GLRA2: variants seen among roughly 807,000 people sequenced by gnomAD.
GLRA2 encodes glycine receptor subunit alpha-2.
GLRA2 carries 11 observed loss-of-function variants against 31.6 expected under a neutral mutation model. The observed-to-expected ratio is 0.35, with a 90% CI of 0.22 to 0.58. The LOEUF is 0.58. Ranked by LOEUF, GLRA2 falls within the 20% of genes least tolerant of loss-of-function variation. The probability of loss-of-function intolerance (pLI) is 0.84; values close to 1 mark genes in which losing one functional copy is unlikely to be tolerated. For missense variants in GLRA2, 212 were observed against 351.8 expected (o/e 0.60, Z 3.18); for synonymous variants, 132 against 134.0 (o/e 0.99, Z 0.10).
the GLRA2 span, among the ~76,000 whole-genome samples, chrX:14,505,856 C>T: frequency 9.0e-6 from 1 of 111,579 alleles, no homozygotes; most frequent in Non-Finnish European, 1.9e-5. Context: ...TGCCCCCAGA[C>T]AGCCCCTGAG....
chrX:14,694,295 A>G (rs2091408192), intron 8 of GLRA2, among the ~76,000 whole-genome samples: 1 of 111,624 alleles, frequency 9.0e-6, no homozygotes, highest in Non-Finnish European at 1.9e-5. Flanking sequence ...ACTCCCTGTC[A>G]TCATTAGACT....
At chrX:14,587,176 C>T (rs1411165999) in intron 4 of GLRA2, among the ~76,000 whole-genome samples, 2 of 112,191 alleles carry the variant, frequency 1.8e-5, no homozygotes, top group Non-Finnish European at 3.8e-5. Flanking sequence ...ATATATGTAT[C>T]ACATTTTCTT....
intron 2 of GLRA2, among the ~76,000 whole-genome samples, chrX:14,560,160 A>G (rs1406144885): frequency 1.8e-5 from 2 of 112,519 alleles, no homozygotes; most frequent in Non-Finnish European, 3.8e-5. Context: ...TTTTTATTCT[A>G]AAGGAAATTT....
the GLRA2 span, among the ~76,000 whole-genome samples, chrX:14,516,016 T>C: frequency 1.8e-5 from 2 of 112,146 alleles, no homozygotes; most frequent in African/African-American, 6.5e-5. Flanking sequence ...CTACTAATTA[T>C]AGTCACAAAC....
At chrX:14,675,655 C>T (rs1308045453) in intron 7 of GLRA2, among the ~76,000 whole-genome samples, 1 of 111,616 alleles carries the variant, frequency 9.0e-6, no homozygotes, top group Non-Finnish European at 1.9e-5. Context: ...GTAGTCAGTG[C>T]TGTCATCATC....
the GLRA2 span, among the ~76,000 whole-genome samples, chrX:14,461,728 G>T: frequency 9.0e-6 from 1 of 111,321 alleles, no homozygotes; most frequent in Non-Finnish European, 1.9e-5. Context: ...CTTTTATTTT[G>T]AGCGTATATG....
At chrX:14,563,607 T>G (rs914931338) in intron 2 of GLRA2, among the ~76,000 whole-genome samples, 34 of 111,511 alleles carry the variant, frequency 3.0e-4, no homozygotes, top group African/African-American at 1.1e-3. Flanking sequence ...CAAAATAAAT[T>G]GATAGAAATT....
the GLRA2 span, among the ~76,000 whole-genome samples, chrX:14,455,283 C>T: frequency 8.9e-6 from 1 of 111,854 alleles, no homozygotes; most frequent in Non-Finnish European, 1.9e-5. Flanking sequence ...TTATTTGACA[C>T]TTAGAAGATA....
At chrX:14,698,407 G>T (rs769358355) in intron 8 of GLRA2, among the ~76,000 whole-genome samples, 2 of 109,228 alleles carry the variant, frequency 1.8e-5, no homozygotes, top group Non-Finnish European at 3.8e-5. Context: ...GGCCGGGAGC[G>T]GTGGCTCACA....
At chrX:14,479,981 G>A in the GLRA2 span, among the ~76,000 whole-genome samples, 5 of 111,731 alleles carry the variant, frequency 4.5e-5, no homozygotes, top group Middle Eastern at 4.6e-3. Context: ...ACTAATTTAC[G>A]TTCCCATCAA....
At chrX:14,553,643 G>A (rs529833347) in intron 2 of GLRA2, among the ~76,000 whole-genome samples, 2 of 111,637 alleles carry the variant, frequency 1.8e-5, no homozygotes, top group Admixed American at 9.5e-5. Context: ...CATGGTAGCA[G>A]CTGCATTTCT....
chrX:14,647,460 C>T (rs1197445162), intron 7 of GLRA2, among the ~76,000 whole-genome samples: 7 of 111,127 alleles, frequency 6.3e-5, no homozygotes, highest in Non-Finnish European at 1.3e-4. Flanking sequence ...GTACCAGAGT[C>T]GGAATCCATT....
chrX:14,713,545 C>T (rs1322123519), intron 8 of GLRA2, among the ~76,000 whole-genome samples: 1 of 112,091 alleles, frequency 8.9e-6, no homozygotes, highest in African/African-American at 3.2e-5. Context: ...AGATTTTGAA[C>T]AGAAAGCCAA....
At chrX:14,519,392 T>C in the GLRA2 span, among the ~76,000 whole-genome samples, 40 of 111,752 alleles carry the variant, frequency 3.6e-4, no homozygotes, top group African/African-American at 1.2e-3. Context: ...ACACAGCTTT[T>C]TCACATTTCA....
At chrX:14,709,479 G>C (rs1286983391) in intron 8 of GLRA2, among the ~76,000 whole-genome samples, 1 of 111,945 alleles carries the variant, frequency 8.9e-6, no homozygotes, top group Non-Finnish European at 1.9e-5. Flanking sequence ...TAATGAAGCA[G>C]AGAAAAGAGG....
rs758743932 is a variant in GLRA2 at position 14,720,843 on chromosome X, G to A, written c.1081-9364G>A. 4.6e-3 allele frequency among the ~76,000 whole-genome samples: 510 copies of A among 110,752 alleles called. 3 individuals are homozygous for A. Among genetic ancestry groups the A allele is most frequent in the Non-Finnish European group, 7.5e-3 (396 of 52,865 alleles). On this transcript the variant is annotated intron_variant, in intron 8 of 8. Coordinates refer to ENST00000218075, the MANE Select transcript of GLRA2 (RefSeq NM_002063.4). ...ACATACAATTCCTTAAAAACTGTTG[G>A]GGGCAGGGCTGGGCATGTTGGCTCA...
At chrX:14,712,947 C>A (rs141212237) in intron 8 of GLRA2, among the ~76,000 whole-genome samples, 64 of 112,015 alleles carry the variant, frequency 5.7e-4, no homozygotes, top group African/African-American at 1.8e-3. Context: ...CTGAAAAATC[C>A]TAACCTGCAA....
At chrX:14,470,907 A>G in the GLRA2 span, among the ~76,000 whole-genome samples, 1 of 111,751 alleles carries the variant, frequency 8.9e-6, no homozygotes, top group South Asian at 3.7e-4. Context: ...TGATTAAGGG[A>G]TAAAGAGAAG....
chrX:14,628,739 A>T (rs2090614341), intron 7 of GLRA2, among the ~76,000 whole-genome samples: 1 of 111,920 alleles, frequency 8.9e-6, no homozygotes, highest in Non-Finnish European at 1.9e-5. Context: ...AGAATTAGAA[A>T]GAAAGACTGT....
Sources: gnomAD v4.1 joint callset for allele counts (sites outside exome capture counted in the v4.1 genomes callset) on GRCh38, gnomAD v4.1.1 for gene constraint, MANE v1.5 for transcripts, NCBI Gene and HGNC (gene_info 2026-07-23, HGNC 2026-07-21) for gene names.